EPB41: variants seen among roughly 807,000 people sequenced by gnomAD.
EPB41 encodes protein 4.1.
EPB41 carries 65 observed loss-of-function variants against 108.0 expected under a neutral mutation model. That is an observed-to-expected ratio of 0.60 (90% CI 0.49 to 0.74). The LOEUF (loss-of-function observed/expected upper bound fraction) is 0.74. EPB41 is among the 30% of genes least tolerant of loss of function. The probability of loss-of-function intolerance (pLI) is 0.00; values close to 1 mark genes in which losing one functional copy is unlikely to be tolerated. For missense variants in EPB41, 875 were observed against 1,037.0 expected (o/e 0.84, Z 2.15); for synonymous variants, 336 against 358.9 (o/e 0.94, Z 0.72).
At chr1:28,979,681 G>A (rs931765319) in intron 1 of EPB41, among the ~76,000 whole-genome samples, 3 of 144,192 alleles carry the variant, frequency 2.1e-5, no homozygotes, top group African/African-American at 8.2e-5. Flanking sequence ...GCTTCACTTT[G>A]GCTAATGGAT....
chr1:28,982,691 G>T, intron 1 of EPB41: 1 of 655,298 alleles, frequency 1.5e-6, no homozygotes, highest in Non-Finnish European at 2.7e-6. Flanking sequence ...TGTTTGTCGT[G>T]GTATTTCAGA....
rs71022381 is a variant in EPB41, at chr1:28,935,467, ACC to A, written c.-8+20711_-8+20712del. On this transcript the variant is annotated intron_variant, in intron 1 of 20. Transcript: ENST00000343067. The stretch of plus-strand genomic sequence containing the variant: ...CACACACACACACACACACACACAC[ACC>A]CCCCCCCCCCCAAGATCTACGCACT... 7.1e-3 allele frequency among the ~76,000 whole-genome samples: 455 copies of A among 64,116 alleles called. 12 individuals are homozygous for A. Among genetic ancestry groups the A allele is most frequent in the South Asian group, 0.016 (19 of 1,164 alleles). 42.1% of individuals were successfully genotyped at this position (64,116 alleles called of 152,430 possible). A position where few individuals can be genotyped will look rare whatever the true frequency, so the allele number is the denominator to read the frequency against.
chr1:28,954,350 G>T (rs1411871219), intron 1 of EPB41, among the ~76,000 whole-genome samples: 1 of 152,158 alleles, frequency 6.6e-6, no homozygotes, highest in Non-Finnish European at 1.5e-5. Flanking sequence ...TAATGCTCTT[G>T]CTTGCTGCAA....
chr1:29,092,093 C>CTTTT (rs35413713), intron 16 of EPB41, among the ~76,000 whole-genome samples: 204 of 113,048 alleles, frequency 1.8e-3, no homozygotes, highest in Non-Finnish European at 2.8e-3. Context: ...TTCTTACCTT[C>CTTTT]TTTTTTTTTT....
rs1437710002 is a variant in EPB41, at chr1:28,987,517, A to C, written c.80A>C (p.Asn27Thr). 3.7e-6 allele frequency: 6 copies of C among 1,614,124 alleles called. No homozygotes were observed. The highest frequency in any genetic ancestry group is 5.1e-6 in the Non-Finnish European group (6 of 1,180,030). ...QQKEEGEEAI[N>T]SGQQEPQQEE... ...AAGGAAGAGGGTGAGGAAGCCATAA[A>C]CTCAGGCCAACAAGAACCTCAGCAG... Residue 27 changes from asparagine (N) to threonine (T), a missense_variant, in exon 2 of 21, where the codon AAC (asparagine) becomes ACC (threonine). By Grantham distance (65) the Asn-to-Thr change is moderately conservative. Coordinates refer to ENST00000343067, the MANE Select transcript of EPB41 (RefSeq NM_001376013.1).
At chr1:28,960,407 T>C (rs1000821188) in intron 1 of EPB41, among the ~76,000 whole-genome samples, 1 of 151,788 alleles carries the variant, frequency 6.6e-6, no homozygotes, top group African/African-American at 2.4e-5. Flanking sequence ...TATATAGGAT[T>C]TATTACCCCT....
intron 16 of EPB41, among the ~76,000 whole-genome samples, chr1:29,075,397 G>A (rs1653579185): frequency 1.3e-5 from 2 of 151,944 alleles, no homozygotes; most frequent in Middle Eastern, 3.2e-3. Context: ...AGAATCGCTT[G>A]AACCCAGGAG....
chr1:28,918,553 C>T (rs1008310128), intron 1 of EPB41, among the ~76,000 whole-genome samples: 24 of 152,126 alleles, frequency 1.6e-4, no homozygotes, highest in Non-Finnish European at 2.9e-5. Flanking sequence ...AATAAAGCCC[C>T]CAAAGATGGC....
chr1:29,064,882 G>C, intron 15 of EPB41, 100 bp from the exon 16 acceptor site: 1 of 1,423,746 alleles, frequency 7.0e-7, no homozygotes, highest in Non-Finnish European at 9.8e-7. Flanking sequence ...CCTGGATGTG[G>C]TATGTTTTCT....
intron 1 of EPB41, among the ~76,000 whole-genome samples, chr1:28,945,897 GC>G (rs2094472106): frequency 6.6e-6 from 1 of 152,178 alleles, no homozygotes; most frequent in Admixed American, 6.5e-5. Flanking sequence ...GGTTAATATA[GC>G]CTGGTTTTGC....
intron 16 of EPB41, chr1:29,072,024 T>A (rs1372370982): frequency 6.6e-6 from 1 of 152,198 alleles, no homozygotes; most frequent in Non-Finnish European, 1.5e-5. Context: ...ATTGTTCTCT[T>A]GTCTCTGGAG....
chr1:29,040,622 A>G lies in EPB41; in HGVS notation c.1636+1196A>G, dbSNP rs770211639. On this transcript the variant is annotated intron_variant, in intron 11 of 20. Transcript: ENST00000343067. The stretch of plus-strand genomic sequence containing the variant: ...AAAAGAAGTTTGCCACGTGGCAATT[A>G]TGGATAGGAAACTCCAATATCCCAT... Among the ~76,000 whole-genome samples the G allele has an allele frequency of 3.3e-4, 50 of 152,158 alleles. 2 individuals are homozygous for G. The highest frequency in any genetic ancestry group is 6.2e-4 in the Non-Finnish European group (42 of 68,018).
At chr1:28,961,028 C>G (rs2095191426) in intron 1 of EPB41, among the ~76,000 whole-genome samples, 1 of 143,576 alleles carries the variant, frequency 7.0e-6, no homozygotes, top group Non-Finnish European at 1.5e-5. Flanking sequence ...GAGCAAAACC[C>G]TGTCTCAAAA....
intron 8 of EPB41, among the ~76,000 whole-genome samples, 194 bp from the exon 9 acceptor site, chr1:29,032,899 C>A (rs1302460259): frequency 6.6e-6 from 1 of 151,930 alleles, no homozygotes; most frequent in Non-Finnish European, 1.5e-5. Flanking sequence ...AGCTCTAAGC[C>A]CTGCTCTCCA....
intron 16 of EPB41, among the ~76,000 whole-genome samples, chr1:29,088,840 T>C (rs1660198256): frequency 6.6e-6 from 1 of 152,326 alleles, no homozygotes; most frequent in South Asian, 2.1e-4. Context: ...CTGGGCACAC[T>C]GGCATGTGCC....
At chr1:28,930,222 A>G (rs1439383817) in intron 1 of EPB41, among the ~76,000 whole-genome samples, 2 of 144,560 alleles carry the variant, frequency 1.4e-5, no homozygotes, top group African/African-American at 2.6e-5. Context: ...AGTGGCACCA[A>G]CATAACTCAC....
chr1:28,962,959 G>T (rs1189025972), intron 1 of EPB41, among the ~76,000 whole-genome samples: 1 of 152,016 alleles, frequency 6.6e-6, no homozygotes, highest in Non-Finnish European at 1.5e-5. Flanking sequence ...CTATTCCTTT[G>T]TGTAACATTT....
intron 16 of EPB41, chr1:29,069,494 A>C: frequency 8.5e-7 from 1 of 1,175,080 alleles, no homozygotes; most frequent in Non-Finnish European, 1.1e-6. Context: ...AAACTTTTAT[A>C]CTTTTTGTTT....
chr1:28,899,628 A>G (rs1457358516), intron 1 of EPB41, among the ~76,000 whole-genome samples: 1 of 152,136 alleles, frequency 6.6e-6, no homozygotes, highest in Non-Finnish European at 1.5e-5. Flanking sequence ...TGACTTGAAG[A>G]CTTCCACAGA....
Sources: gnomAD v4.1 joint callset for allele counts (sites outside exome capture counted in the v4.1 genomes callset) on GRCh38, gnomAD v4.1.1 for gene constraint, MANE v1.5 for transcripts, NCBI Gene and HGNC (gene_info 2026-07-23, HGNC 2026-07-21) for gene names.